Variants in ASTN2 observed in about 807,000 individuals in gnomAD.
ASTN2 encodes astrotactin 2, also known as astrotactin-2.
Under a neutral mutation model 139.8 loss-of-function variants are expected in ASTN2, and 54 were observed. The ratio of observed to expected loss-of-function variants is 0.39; its 90% CI spans 0.31 to 0.48. The LOEUF (loss-of-function observed/expected upper bound fraction) is 0.48. Among genes scored for constraint, ASTN2 ranks in the 20% least tolerant of loss-of-function variants. The pLI is 0.95. For synonymous variants in ASTN2, 756 were observed against 719.5 expected (o/e 1.05, Z -0.81); for missense variants, 1,565 against 1,725.1 (o/e 0.91, Z 1.64).
At chr9:117,050,807 ACT>A (rs1838893556) in intron 5 of ASTN2, among the ~76,000 whole-genome samples, 1 of 152,068 alleles carries the variant, frequency 6.6e-6, no homozygotes, top group Non-Finnish European at 1.5e-5. Flanking sequence ...TGACAGTGAC[ACT>A]GTGTCATATT....
intron 5 of ASTN2, among the ~76,000 whole-genome samples, chr9:117,059,907 T>G (rs7872915): frequency 0.82 from 124,569 of 152,114 alleles, 51,010 homozygotes; most frequent in South Asian, 0.87. Context: ...TGGTTTATCT[T>G]TGGGATGGGA....
At chr9:117,383,530 A>T (rs944307776) in intron 1 of ASTN2, among the ~76,000 whole-genome samples, 6 of 152,164 alleles carry the variant, frequency 3.9e-5, no homozygotes, top group African/African-American at 1.2e-4. Flanking sequence ...GAACTGTAAC[A>T]CTTGTGGGGG....
At chr9:116,691,916 A>T (rs1860588086) in intron 16 of ASTN2, among the ~76,000 whole-genome samples, 1 of 152,224 alleles carries the variant, frequency 6.6e-6, no homozygotes, top group South Asian at 2.1e-4. Flanking sequence ...AAACCAGGGG[A>T]GCGTGTCAAT....
intron 10 of ASTN2, among the ~76,000 whole-genome samples, chr9:116,953,643 T>C (rs1383280197): frequency 6.6e-6 from 1 of 152,160 alleles, no homozygotes; most frequent in South Asian, 2.1e-4. Flanking sequence ...TGATTTTTTG[T>C]TTTTTTAACA....
chr9:116,811,945 C>T (rs908288160), intron 12 of ASTN2, among the ~76,000 whole-genome samples: 1 of 152,100 alleles, frequency 6.6e-6, no homozygotes, highest in African/African-American at 2.4e-5. Context: ...TGCTGCTTCA[C>T]AGTGTATGTT....
intron 1 of ASTN2, among the ~76,000 whole-genome samples, chr9:117,361,065 G>A (rs1829679834): frequency 6.6e-6 from 1 of 152,036 alleles, no homozygotes; most frequent in African/African-American, 2.4e-5. Context: ...AGACAAATGG[G>A]GGCTTGCCAC....
In ASTN2 at chr9:116,794,873, C is replaced by T. The variant is rs187279191; in HGVS notation, c.2396+10759G>A. Among the ~76,000 whole-genome samples, 14 of 152,334 alleles carry T rather than the reference C, an allele frequency of 9.2e-5. No homozygotes were observed. In the East Asian group the frequency reaches 2.7e-3, roughly 29 times the overall value. ...TGAGCGAGACTGATGTGCAGTCCAG[C>T]AAGGCTTGCTGGTTAAGCTTTATGC... On this transcript the variant is annotated intron_variant, in intron 13 of 22. Transcript: ENST00000313400.
chr9:116,698,083 G>A lies in ASTN2; in HGVS notation c.2806+27688C>T, dbSNP rs192516080. 4 of 1,614,148 alleles carry A rather than the reference G, an allele frequency of 2.5e-6. No individual in the cohort carries two copies. Among genetic ancestry groups the A allele is most frequent in the South Asian group, 1.1e-5 (1 of 91,080 alleles). On this transcript the variant is annotated intron_variant, in intron 16 of 22. Coordinates refer to ENST00000313400, the MANE Select transcript of ASTN2 (RefSeq NM_001365068.1). The surrounding 1 kb of genome is among the most constrained non-coding windows in gnomAD (Gnocchi z 4.4). The stretch of plus-strand genomic sequence containing the variant: ...CGTCTGCCCCGGCAATTCTGCCGGA[G>A]CTGTGGTTTGGTGTTATGTGAGCCC...
intron 3 of ASTN2, among the ~76,000 whole-genome samples, chr9:117,172,162 C>G (rs73531094): frequency 0.027 from 4,075 of 152,122 alleles, 176 homozygotes; most frequent in African/African-American, 0.085. Context: ...ATAAGGGGTG[C>G]TAGAATTATT....
Position 116,919,812 on chromosome 9 carries a change from T to C in ASTN2, c.1889+55396A>G, listed in dbSNP as rs140911036. Among the ~76,000 whole-genome samples, 409 of 151,744 alleles carry C rather than the reference T, an allele frequency of 2.7e-3. 1 individual carries two copies. Among genetic ancestry groups the C allele is most frequent in the Non-Finnish European group, 4.1e-3 (279 of 67,922 alleles). ...TACAAAAATTAGCCAAGCTTGATGGTGGTCTATAGTCCCATCCTCTTTGGA... is the reference window on the plus strand; with the variant it reads ...TACAAAAATTAGCCAAGCTTGATGGCGGTCTATAGTCCCATCCTCTTTGGA... On this transcript the variant is annotated intron_variant, in intron 10 of 22. Transcript: ENST00000313400.
At chr9:117,010,097 A>G (rs985476238) in intron 6 of ASTN2, among the ~76,000 whole-genome samples, 3 of 152,162 alleles carry the variant, frequency 2.0e-5, no homozygotes, top group Non-Finnish European at 4.4e-5. Context: ...AAGTAGGAGG[A>G]ATAGACAGTA....
At chr9:116,692,678 G>A (rs1485389256) in intron 16 of ASTN2, among the ~76,000 whole-genome samples, 2 of 152,140 alleles carry the variant, frequency 1.3e-5, no homozygotes, top group East Asian at 1.9e-4. Context: ...CTCCTAGTTC[G>A]TGTCTTTTAG....
chr9:116,914,320 G>A (rs917104896), intron 10 of ASTN2, among the ~76,000 whole-genome samples: 1 of 151,920 alleles, frequency 6.6e-6, no homozygotes, highest in Admixed American at 6.6e-5. Context: ...CTGCAAAATG[G>A]GAATAGAATA....
intron 4 of ASTN2, among the ~76,000 whole-genome samples, chr9:117,109,371 AAAAT>A (rs1829193616): frequency 7.2e-6 from 1 of 138,880 alleles, no homozygotes; most frequent in Non-Finnish European, 1.6e-5. Context: ...TAAATAAATA[AAAAT>A]AAATCTGTCC....
At chr9:116,615,808 G>A (rs1048812205) in intron 19 of ASTN2, among the ~76,000 whole-genome samples, 6 of 151,848 alleles carry the variant, frequency 4.0e-5, no homozygotes, top group Non-Finnish European at 8.8e-5. Context: ...ACACCAACAT[G>A]GCACATGTAT....
At chr9:117,207,115 A>G (rs561339143) in intron 3 of ASTN2, among the ~76,000 whole-genome samples, 1 of 152,252 alleles carries the variant, frequency 6.6e-6, no homozygotes, top group East Asian at 1.9e-4. Context: ...CAGGCATGAA[A>G]CAGCCCTGCA....
intron 20 of ASTN2, among the ~76,000 whole-genome samples, chr9:116,478,818 C>A (rs1308343138): frequency 2.6e-5 from 4 of 151,640 alleles, no homozygotes; most frequent in African/African-American, 4.8e-5. Flanking sequence ...ATGGTGAAAC[C>A]CCATCTCTAC....
At chr9:116,755,794 T>C (rs561940556) in intron 13 of ASTN2, among the ~76,000 whole-genome samples, 1 of 152,190 alleles carries the variant, frequency 6.6e-6, no homozygotes, top group African/African-American at 2.4e-5. Context: ...ATCATGTATA[T>C]CCCTGTAAGT....
chr9:116,686,574 C>A, intron 16 of ASTN2: 1 of 1,004,002 alleles, frequency 1.0e-6, no homozygotes. Flanking sequence ...TATCAGACCT[C>A]GTCCTTGCCA....
Sources: gnomAD v4.1 joint callset for allele counts (sites outside exome capture counted in the v4.1 genomes callset) on GRCh38, gnomAD v4.1.1 for gene constraint, Gnocchi (gnomAD v3.1) non-coding constraint, MANE v1.5 for transcripts, NCBI Gene and HGNC (gene_info 2026-07-23, HGNC 2026-07-21) for gene names.